The following MAGI3 variants were observed in gnomAD, a reference collection of about 807,000 sequenced individuals.
MAGI3 encodes membrane-associated guanylate kinase, WW and PDZ domain-containing protein 3.
Under a neutral mutation model 121.8 loss-of-function variants are expected in MAGI3, and 43 were observed. The ratio of observed to expected loss-of-function variants is 0.35; its 90% CI spans 0.28 to 0.46. The LOEUF is 0.46. Among genes scored for constraint, MAGI3 ranks in the 20% least tolerant of loss-of-function variants. The pLI is 1.00. For missense variants in MAGI3, 1,547 were observed against 1,797.3 expected, an observed-to-expected ratio of 0.86 and a Z score of 2.52; for synonymous variants, 553 against 639.3, an observed-to-expected ratio of 0.86 and a Z score of 2.04.
Position 113,643,836 on chromosome 1 carries a change from C to G in MAGI3, c.1998+62C>G. On this transcript the variant is annotated intron_variant, in intron 11 of 20. Transcript: ENST00000307546. ...ACACTGAGAGAGATGCCACATTCCC[C>G]TCTGTAAGAGGAGCTCACTGTGGTG... The G allele has an allele frequency of 2.0e-6, 3 of 1,493,016 alleles. No individual in the cohort carries two copies. In the East Asian group the frequency reaches 6.8e-5, roughly 34 times the overall value. 92.5% of individuals were successfully genotyped at this position (1,493,016 alleles called of 1,614,324 possible).
chr1:113,667,122 A>G (rs1654079294), intron 16 of MAGI3, among the ~76,000 whole-genome samples: 1 of 152,162 alleles, frequency 6.6e-6, no homozygotes, highest in South Asian at 2.1e-4. Context: ...TGGAGTGTAA[A>G]TGAGCACATG....
intron 1 of MAGI3, among the ~76,000 whole-genome samples, chr1:113,425,407 C>T (rs558203960): frequency 8.7e-5 from 13 of 150,090 alleles, no homozygotes; most frequent in Non-Finnish European, 1.8e-4. Flanking sequence ...CTCAGCCTCC[C>T]GAATAGCTGG....
chr1:113,417,457 A>C (rs1238029903), intron 1 of MAGI3, among the ~76,000 whole-genome samples: 1 of 152,130 alleles, frequency 6.6e-6, no homozygotes, highest in Admixed American at 6.6e-5. Flanking sequence ...TTTGTCACCC[A>C]GGCTGGAGTG....
chr1:113,599,637 G>A (rs1226934032), intron 6 of MAGI3, among the ~76,000 whole-genome samples: 5 of 151,128 alleles, frequency 3.3e-5, no homozygotes, highest in Non-Finnish European at 5.9e-5. Flanking sequence ...AATTCTACCA[G>A]AGGTACAAGG....
chr1:113,538,036 A>G (rs908205538), intron 1 of MAGI3, among the ~76,000 whole-genome samples: 1 of 152,254 alleles, frequency 6.6e-6, no homozygotes, highest in African/African-American at 2.4e-5. Flanking sequence ...TCTGAGGGTC[A>G]GTATATATTT....
In MAGI3 at chr1:113,391,657, GAGA is replaced by G. The variant is rs1650829236; in HGVS notation, c.316+311_316+313del. ...CCCCGCAGACAAGAGTTTTTGACTA[GAGA>G]AGGCCAGCCTTTTCCTGTGTTGTGC... is the stretch of plus-strand genomic sequence containing the variant. On this transcript the variant is annotated intron_variant, in intron 1 of 20. Coordinates refer to ENST00000307546, the MANE Select transcript of MAGI3 (RefSeq NM_001142782.2). This position sits in a 1 kb window ranked among gnomAD's most constrained non-coding sequence, Gnocchi z 4.4. Among the ~76,000 whole-genome samples the G allele has an allele frequency of 6.6e-6, 1 of 152,186 alleles. No homozygotes were observed. The highest frequency in any genetic ancestry group is 1.5e-5 in the Non-Finnish European group (1 of 68,028).
chr1:113,618,384 C>G (rs1338318986), intron 7 of MAGI3: 1 of 310,710 alleles, frequency 3.2e-6, no homozygotes, highest in African/African-American at 2.3e-5. Flanking sequence ...AAATGTTCAA[C>G]TTGTGTGACT....
Position 113,642,157 on chromosome 1 carries a change from T to C in MAGI3, c.1607T>C (p.Met536Thr). Residue 536 changes from methionine to threonine, a missense_variant, in exon 10 of 21, where the codon ATG (methionine) becomes ACG (threonine). By Grantham distance (81) the Met-to-Thr change is moderately conservative (BLOSUM62 -1). Transcript: ENST00000307546. The part of the protein sequence containing the change: ...MNPQDFKPGA[M>T]VLEQNGKSGH... ...CCTCAGGATTTTAAGCCAGGAGCAA[T>C]GGTTCTGGAGCAGAATGGAAAATCG... is the stretch of plus-strand genomic sequence containing the variant. The C allele has an allele frequency of 6.2e-7, 1 of 1,614,086 alleles. No individual in the cohort carries two copies. Among genetic ancestry groups the C allele is most frequent in the Non-Finnish European group, 8.5e-7 (1 of 1,180,014 alleles).
chr1:113,660,114 C>T (rs182692184), intron 16 of MAGI3, among the ~76,000 whole-genome samples: 1 of 152,160 alleles, frequency 6.6e-6, no homozygotes, highest in African/African-American at 2.4e-5. Flanking sequence ...TACCACACCA[C>T]TCTCATCATT....
At chr1:113,672,481 T>A (rs1400743158) in intron 17 of MAGI3, 134 bp from the exon 18 acceptor site, 1 of 849,302 alleles carries the variant, frequency 1.2e-6, no homozygotes, top group East Asian at 2.9e-5. Flanking sequence ...ATTTTAGATA[T>A]AGTCTGTCTT....
chr1:113,604,004 T>G (rs1649576572), intron 6 of MAGI3, among the ~76,000 whole-genome samples: 1 of 152,014 alleles, frequency 6.6e-6, no homozygotes, highest in Non-Finnish European at 1.5e-5. Flanking sequence ...ATGGGTGCAG[T>G]GAAAAGAGAA....
At chr1:113,428,302 G>T (rs1653121549) in intron 1 of MAGI3, among the ~76,000 whole-genome samples, 1 of 152,132 alleles carries the variant, frequency 6.6e-6, no homozygotes, top group African/African-American at 2.4e-5. Flanking sequence ...ATCTGGAATT[G>T]GGCATTTTTA....
At chr1:113,467,310 T>A (rs539581054) in intron 1 of MAGI3, among the ~76,000 whole-genome samples, 6 of 152,316 alleles carry the variant, frequency 3.9e-5, no homozygotes, top group African/African-American at 1.4e-4. Context: ...GAAAAGATAC[T>A]TGATATGATT....
Position 113,422,460 on chromosome 1 carries a change from G to A in MAGI3, c.316+31111G>A, listed in dbSNP as rs921602453. ...TGCGTTTGGCTCATGATGCCTGCCC[G>A]GATCCCATACCTGCCAAGGGTGAGC... On this transcript the variant is annotated intron_variant, in intron 1 of 20. Coordinates refer to ENST00000307546, the MANE Select transcript of MAGI3 (RefSeq NM_001142782.2). This position sits in a 1 kb window ranked among gnomAD's most constrained non-coding sequence, Gnocchi z 4.3. 8.5e-5 allele frequency among the ~76,000 whole-genome samples: 13 copies of A among 152,208 alleles called. No homozygotes were observed. Among genetic ancestry groups the A allele is most frequent in the African/African-American group, 2.9e-4 (12 of 41,450 alleles).
At chr1:113,616,165 A>G (rs1368904766) in intron 7 of MAGI3, among the ~76,000 whole-genome samples, 1 of 152,202 alleles carries the variant, frequency 6.6e-6, no homozygotes, top group Admixed American at 6.5e-5. Context: ...CTTTAGGGCA[A>G]ATCCTGAAGC....
chr1:113,407,300 A>G (rs1300428137), intron 1 of MAGI3, among the ~76,000 whole-genome samples: 5 of 152,094 alleles, frequency 3.3e-5, no homozygotes, highest in Admixed American at 2.0e-4. Context: ...TGAAGTGGAT[A>G]GATTTGAGAT....
At chr1:113,673,887 G>A (rs1342680017) in intron 19 of MAGI3, among the ~76,000 whole-genome samples, 1 of 152,160 alleles carries the variant, frequency 6.6e-6, no homozygotes, top group Non-Finnish European at 1.5e-5. Flanking sequence ...TAGCTACCGG[G>A]AGAGGTAACT....
chr1:113,612,498 A>G (rs1048848265), intron 6 of MAGI3, among the ~76,000 whole-genome samples: 1 of 152,190 alleles, frequency 6.6e-6, no homozygotes, highest in African/African-American at 2.4e-5. Context: ...GAATAAATGA[A>G]TTGATCCACT....
chr1:113,643,918 G>A (rs1652690521), intron 11 of MAGI3, 144 bp downstream of exon 11: 3 of 865,180 alleles, frequency 3.5e-6, no homozygotes, highest in Non-Finnish European at 5.6e-6. Context: ...GTATTTATTA[G>A]AAACTAGGGA....
Sources: allele counts gnomAD v4.1 joint callset (sites outside exome capture counted in the v4.1 genomes callset), GRCh38; gene constraint gnomAD v4.1.1; non-coding constraint Gnocchi (gnomAD v3.1); transcripts MANE v1.5; gene names NCBI Gene and HGNC (gene_info 2026-07-23, HGNC 2026-07-21).